Variants in SMCHD1 observed in about 807,000 individuals in gnomAD.
The protein encoded by SMCHD1 is structural maintenance of chromosomes flexible hinge domain containing 1.
In SMCHD1, 78 loss-of-function variants were observed where a neutral mutation model predicts 254.7. The ratio of observed to expected loss-of-function variants is 0.31; its 90% CI spans 0.26 to 0.37. The LOEUF is 0.37. SMCHD1 is among the 10% of genes least tolerant of loss of function. The pLI, the probability that SMCHD1 is intolerant of heterozygous loss-of-function variation, is 1.00. For missense variants in SMCHD1, 1,840 were observed against 2,408.1 expected (o/e 0.76, Z 4.94); for synonymous variants, 766 against 794.9 (o/e 0.96, Z 0.61).
chr18:2,758,238 C>T (rs189188377), intron 34 of SMCHD1, among the ~76,000 whole-genome samples: 1 of 151,752 alleles, frequency 6.6e-6, no homozygotes, highest in Non-Finnish European at 1.5e-5. Context: ...TTCCTGTTTT[C>T]CTTTTTGATT....
intron 5 of SMCHD1, among the ~76,000 whole-genome samples, chr18:2,676,627 T>C (rs1265887495): frequency 6.6e-6 from 1 of 152,240 alleles, no homozygotes; most frequent in Non-Finnish European, 1.5e-5. Context: ...AACTCTCATT[T>C]ACCTGGGTAC....
chr18:2,731,445 A>G (rs1384190391), intron 24 of SMCHD1, among the ~76,000 whole-genome samples: 1 of 152,194 alleles, frequency 6.6e-6, no homozygotes, highest in Non-Finnish European at 1.5e-5. Flanking sequence ...ATATGCCAAT[A>G]TGTTGACCAG....
chr18:2,754,615 T>A (rs551591609), intron 34 of SMCHD1, among the ~76,000 whole-genome samples: 1 of 152,328 alleles, frequency 6.6e-6, no homozygotes, highest in South Asian at 2.1e-4. Context: ...AATACCAGAT[T>A]TTCAGAAGAA....
chr18:2,705,868 T>TATC, intron 14 of SMCHD1, 61 bp downstream of exon 14: 2 of 1,023,272 alleles, frequency 2.0e-6, no homozygotes, highest in Non-Finnish European at 3.0e-6. Context: ...GCATAATTGT[T>TATC]AAGATACAGT....
At chr18:2,775,635 T>G (rs935269914) in intron 41 of SMCHD1, 99 bp from the exon 42 acceptor site, 7 of 877,292 alleles carry the variant, frequency 8.0e-6, no homozygotes, top group Middle Eastern at 3.5e-4. Flanking sequence ...TTCATGTGTT[T>G]CAGAGAAGTT....
intron 45 of SMCHD1, among the ~76,000 whole-genome samples, chr18:2,790,066 C>T (rs1216365740): frequency 6.6e-6 from 1 of 152,174 alleles, no homozygotes; most frequent in Non-Finnish European, 1.5e-5. Context: ...CCTGTAGTCC[C>T]AGCTATTCAG....
intron 1 of SMCHD1, among the ~76,000 whole-genome samples, chr18:2,659,726 A>G (rs1387982369): frequency 6.7e-6 from 1 of 149,096 alleles, no homozygotes; most frequent in Non-Finnish European, 1.5e-5. Context: ...TTAATATAAG[A>G]TGTGCTCATC....
At chr18:2,673,407 AAG>A (rs2073663453) in intron 4 of SMCHD1, 44 bp downstream of exon 4, 1 of 1,316,336 alleles carries the variant, frequency 7.6e-7, no homozygotes. Context: ...TTCCTTTTGT[AAG>A]AGTAATAAAA....
At chr18:2,670,868 C>T (rs1020900536) in intron 3 of SMCHD1, among the ~76,000 whole-genome samples, 1 of 147,422 alleles carries the variant, frequency 6.8e-6, no homozygotes, top group African/African-American at 2.5e-5. Flanking sequence ...GCCACTGCCA[C>T]TCCAGCCTGG....
intron 5 of SMCHD1, among the ~76,000 whole-genome samples, chr18:2,687,009 C>G (rs770344943): frequency 1.6e-4 from 24 of 152,152 alleles, no homozygotes; most frequent in Non-Finnish European, 2.5e-4. Context: ...TATATCTTCT[C>G]TGATCTTCTT....
intron 43 of SMCHD1, 104 bp from the exon 44 acceptor site, chr18:2,778,065 G>T: frequency 1.0e-6 from 1 of 990,036 alleles, no homozygotes; most frequent in South Asian, 1.7e-5. Flanking sequence ...AAATTAGAAC[G>T]AATACTAGCA....
chr18:2,795,060 GT>G (rs2076236263), intron 45 of SMCHD1, among the ~76,000 whole-genome samples: 1 of 146,470 alleles, frequency 6.8e-6, no homozygotes, highest in African/African-American at 2.5e-5. Flanking sequence ...GTTTTGTTTT[GT>G]TTTTGTTTTT....
In SMCHD1 at chr18:2,708,765, G is replaced by A. The variant is rs1598347125; in HGVS notation, c.2260+845G>A. On this transcript the variant is annotated intron_variant, in intron 17 of 47. Transcript: ENST00000320876. ...TGAGTAGCCGGGATTACAGGCACAT[G>A]CCACCACTCCCAGCTAATTTTTGTA... Among the ~76,000 whole-genome samples the A allele has an allele frequency of 6.7e-5, 10 of 149,444 alleles. No homozygotes were observed. In the South Asian group the frequency reaches 2.1e-3, roughly 32 times the overall value.
At chr18:2,700,470 A>ATTTT (rs2074376345) in intron 10 of SMCHD1, 69 bp from the exon 11 acceptor site, 3 of 1,463,980 alleles carry the variant, frequency 2.0e-6, no homozygotes, top group Admixed American at 2.3e-5. Flanking sequence ...TGAAACATTT[A>ATTTT]TGTGTTTGTT....
At chr18:2,679,620 G>A (rs1056346766) in intron 5 of SMCHD1, among the ~76,000 whole-genome samples, 1 of 151,798 alleles carries the variant, frequency 6.6e-6, no homozygotes, top group African/African-American at 2.4e-5. Flanking sequence ...TCACTTCTGT[G>A]TAACAAATTG....
At chr18:2,722,742 G>T (rs2074952096) in intron 20 of SMCHD1, 79 bp downstream of exon 20, 1 of 1,231,914 alleles carries the variant, frequency 8.1e-7, no homozygotes, top group Non-Finnish European at 1.1e-6. Flanking sequence ...CATTTTTTTT[G>T]TGTGTAAGGT....
chr18:2,720,042 G>A (rs551142588), intron 19 of SMCHD1, among the ~76,000 whole-genome samples: 1 of 151,888 alleles, frequency 6.6e-6, no homozygotes, highest in South Asian at 2.1e-4. Flanking sequence ...GCCCATTTCG[G>A]CCTCAAACAC....
intron 34 of SMCHD1, among the ~76,000 whole-genome samples, chr18:2,759,771 T>C (rs953378396): frequency 5.9e-5 from 9 of 151,870 alleles, no homozygotes; most frequent in African/African-American, 1.9e-4. Flanking sequence ...GGTTTCGCCA[T>C]GTTGGCCAGG....
rs74748740 is a variant in SMCHD1 at position 2,799,769 on chromosome 18, T to C, written c.5994-2759T>C. 4.3e-3 allele frequency among the ~76,000 whole-genome samples: 650 copies of C among 152,244 alleles called. 5 individuals carry two copies. Among genetic ancestry groups the C allele is most frequent in the African/African-American group, 0.015 (633 of 41,538 alleles). Reference sequence around the variant, plus strand: ...TCTGGAGTTTTTAATTGCCACCTTTTTTTTTCTTTCCCTATGTATCTTAAT... The same window carrying C: ...TCTGGAGTTTTTAATTGCCACCTTTCTTTTTCTTTCCCTATGTATCTTAAT... On this transcript the variant is annotated intron_variant, in intron 47 of 47. Coordinates refer to ENST00000320876, the MANE Select transcript of SMCHD1 (RefSeq NM_015295.3).
Sources: allele counts gnomAD v4.1 joint callset (sites outside exome capture counted in the v4.1 genomes callset), GRCh38; gene constraint gnomAD v4.1.1; transcripts MANE v1.5; gene names NCBI Gene and HGNC (gene_info 2026-07-23, HGNC 2026-07-21).